MAF: variants seen among roughly 807,000 people sequenced by gnomAD.
The protein encoded by MAF is MAF bZIP transcription factor.
A neutral mutation model predicts 22.0 loss-of-function variants in MAF; 10 were observed. The observed-to-expected ratio is 0.45, with a 90% CI of 0.28 to 0.77. The LOEUF (loss-of-function observed/expected upper bound fraction) is 0.77. MAF is among the 30% of genes least tolerant of loss of function. The pLI is 0.12. For synonymous variants in MAF, 337 were observed against 255.8 expected, an observed-to-expected ratio of 1.32 and a Z score of -3.03; for missense variants, 544 against 548.4, an observed-to-expected ratio of 0.99 and a Z score of 0.08.
the MAF span, among the ~76,000 whole-genome samples, chr16:79,398,346 A>G: frequency 6.6e-6 from 1 of 152,236 alleles, no homozygotes; most frequent in African/African-American, 2.4e-5. Context: ...CAGTATGGAA[A>G]TTAAATTAAC....
At chr16:79,562,090 C>A in the MAF span, among the ~76,000 whole-genome samples, 4 of 152,180 alleles carry the variant, frequency 2.6e-5, no homozygotes, top group African/African-American at 9.6e-5. Context: ...ACTTGGAAAA[C>A]ATTCCCCCTT....
At chr16:79,534,663 C>T in the MAF span, among the ~76,000 whole-genome samples, 2 of 151,986 alleles carry the variant, frequency 1.3e-5, no homozygotes, top group African/African-American at 4.8e-5. Flanking sequence ...GTACAGCACA[C>T]CAACATGGCA....
chr16:79,539,834 G>T, the MAF span, among the ~76,000 whole-genome samples: 1 of 152,296 alleles, frequency 6.6e-6, no homozygotes, highest in South Asian at 2.1e-4. Flanking sequence ...ACACTCTGAG[G>T]CATGTGTGCA....
chr16:79,521,739 C>A, the MAF span, among the ~76,000 whole-genome samples: 1 of 152,142 alleles, frequency 6.6e-6, no homozygotes, highest in African/African-American at 2.4e-5. Context: ...TGGGGTAATA[C>A]CACTGATTTC....
At chr16:79,447,313 C>T in the MAF span, among the ~76,000 whole-genome samples, 4 of 148,072 alleles carry the variant, frequency 2.7e-5, no homozygotes, top group East Asian at 8.0e-4. Flanking sequence ...TTTAATCCCA[C>T]TGTTAAGACC....
At chr16:79,568,581 C>T in the MAF span, among the ~76,000 whole-genome samples, 2 of 152,236 alleles carry the variant, frequency 1.3e-5, no homozygotes, top group East Asian at 3.9e-4. Context: ...TTTTAGTGGC[C>T]ACATGCACTT....
chr16:79,404,904 C>G, the MAF span, among the ~76,000 whole-genome samples: 3 of 152,150 alleles, frequency 2.0e-5, no homozygotes, highest in Non-Finnish European at 4.4e-5. Flanking sequence ...CAGACACTTA[C>G]AAATTCACTC....
the MAF span, among the ~76,000 whole-genome samples, chr16:79,557,903 C>T: frequency 6.6e-6 from 1 of 150,966 alleles, no homozygotes; most frequent in Non-Finnish European, 1.5e-5. Context: ...TCATTGGGCA[C>T]TAAGAGAAGG....
intron 1 of MAF, chr16:79,596,763 T>G: frequency 1.9e-6 from 2 of 1,046,150 alleles, no homozygotes; most frequent in Non-Finnish European, 2.3e-6. Flanking sequence ...TTTTTTTAAG[T>G]TACAGAAAAT....
At chr16:79,366,281 G>T in the MAF span, among the ~76,000 whole-genome samples, 1 of 152,122 alleles carries the variant, frequency 6.6e-6, no homozygotes, top group Non-Finnish European at 1.5e-5. Flanking sequence ...GACTGTCATG[G>T]TACCAAATAT....
chr16:79,563,746 C>CAT, the MAF span, among the ~76,000 whole-genome samples: 5 of 149,756 alleles, frequency 3.3e-5, no homozygotes, highest in Non-Finnish European at 6.0e-5. Flanking sequence ...AACACACACA[C>CAT]ACACACACAC....
chr16:79,557,973 G>A, the MAF span, among the ~76,000 whole-genome samples: 9 of 151,602 alleles, frequency 5.9e-5, no homozygotes, highest in Admixed American at 2.0e-4. Flanking sequence ...GAAGGGCAGT[G>A]AATGTCTGAG....
At chr16:79,559,905 T>G in the MAF span, among the ~76,000 whole-genome samples, 2 of 152,138 alleles carry the variant, frequency 1.3e-5, no homozygotes, top group Admixed American at 6.5e-5. Flanking sequence ...CTCTCCTATA[T>G]CTATGTCACC....
At chr16:79,377,708 G>C in the MAF span, among the ~76,000 whole-genome samples, 3 of 152,178 alleles carry the variant, frequency 2.0e-5, no homozygotes, top group African/African-American at 4.8e-5. Context: ...TTTTGTATAA[G>C]GTGTAAGGAA....
chr16:79,488,800 G>C, the MAF span, among the ~76,000 whole-genome samples: 1 of 152,020 alleles, frequency 6.6e-6, no homozygotes, highest in Admixed American at 6.6e-5. Flanking sequence ...TCAACCTTCC[G>C]GGAGCATATC....
chr16:79,439,091 A>AT, the MAF span, among the ~76,000 whole-genome samples: 2 of 151,878 alleles, frequency 1.3e-5, no homozygotes, highest in Non-Finnish European at 2.9e-5. Context: ...TGAGTCTGGG[A>AT]TTTGCACATC....
the MAF span, among the ~76,000 whole-genome samples, chr16:79,429,754 C>G: frequency 1.3e-5 from 2 of 152,122 alleles, no homozygotes; most frequent in African/African-American, 4.8e-5. Context: ...TTCCTTGTGT[C>G]TGGTGCTGAA....
the MAF span, among the ~76,000 whole-genome samples, chr16:79,455,873 C>T: frequency 6.6e-6 from 1 of 151,964 alleles, no homozygotes; most frequent in South Asian, 2.1e-4. Context: ...CAAAAGTTAG[C>T]CGGGTGTGGA....
At chr16:79,278,454 C>G in the MAF span, among the ~76,000 whole-genome samples, 3 of 152,306 alleles carry the variant, frequency 2.0e-5, no homozygotes, top group South Asian at 6.2e-4. Flanking sequence ...TTTTTGTTTT[C>G]CCTCCTGCAA....
Sources: gnomAD v4.1 joint callset for allele counts (sites outside exome capture counted in the v4.1 genomes callset) on GRCh38, gnomAD v4.1.1 for gene constraint, MANE v1.5 for transcripts, NCBI Gene and HGNC (gene_info 2026-07-23, HGNC 2026-07-21) for gene names.